Variants in PHTF2 observed in about 807,000 individuals in gnomAD.
The protein encoded by PHTF2 is putative homeodomain transcription factor 2, also known as protein PHTF2.
In PHTF2, 60 loss-of-function variants were observed where a neutral mutation model predicts 101.2. The observed-to-expected ratio is 0.59, with a 90% CI of 0.48 to 0.73. PHTF2 has a LOEUF of 0.73. Ranked by LOEUF, PHTF2 falls within the 30% of genes least tolerant of loss-of-function variation. The pLI is 0.00. For missense variants in PHTF2, 747 were observed against 908.7 expected (o/e 0.82, Z 2.29); for synonymous variants, 311 against 307.3 (o/e 1.01, Z -0.13).
At chr7:77,867,747 G>A (rs75807657) in intron 3 of PHTF2, among the ~76,000 whole-genome samples, 1,564 of 152,304 alleles carry the variant, frequency 0.01, 23 homozygotes, top group African/African-American at 0.036. Flanking sequence ...AAGAGTATGT[G>A]AGAGCTTTCA....
chr7:77,923,945 A>G, intron 11 of PHTF2: 1 of 952,664 alleles, frequency 1.0e-6, no homozygotes, highest in African/African-American at 1.8e-5. Context: ...CTTGATTTCC[A>G]GCTAAGTAAG....
rs1443393815 is a variant in PHTF2 at position 77,900,701 on chromosome 7, T to TA, written c.217-9dup. The TA allele has an allele frequency of 2.9e-6, 4 of 1,380,686 alleles. No individual in the cohort carries two copies. The highest frequency in any genetic ancestry group is 4.1e-6 in the Non-Finnish European group (4 of 967,898). 85.5% of individuals were successfully genotyped at this position (1,380,686 alleles called of 1,614,324 possible). The stretch of plus-strand genomic sequence containing the variant: ...TATACAATTCCAATGCTTCTTTTGA[T>TA]ATATTATAGGGGCTAAGGAATAAAC... On this transcript the variant is annotated splice_polypyrimidine_tract_variant and intron_variant, in intron 5 of 19. Transcript: ENST00000416283.
intron 3 of PHTF2, among the ~76,000 whole-genome samples, chr7:77,879,474 G>T (rs549892555): frequency 6.6e-6 from 1 of 151,966 alleles, no homozygotes; most frequent in Non-Finnish European, 1.5e-5. Context: ...GCTGTTTGCC[G>T]GGCTCCCTTT....
intron 3 of PHTF2, among the ~76,000 whole-genome samples, chr7:77,875,672 C>T (rs915237333): frequency 8.5e-5 from 13 of 152,066 alleles, no homozygotes; most frequent in Non-Finnish European, 1.3e-4. Flanking sequence ...ATTCTCCTGC[C>T]TCAGCCTCCC....
intron 9 of PHTF2, 106 bp from the exon 9 acceptor site, chr7:77,920,173 A>G (rs1803310685): frequency 1.8e-5 from 11 of 611,066 alleles, no homozygotes; most frequent in Middle Eastern, 4.2e-4. Flanking sequence ...ATTAAAATTT[A>G]GAGAAATAGC....
At chr7:77,946,577 A>G (rs1806066885) in intron 16 of PHTF2, among the ~76,000 whole-genome samples, 1 of 152,226 alleles carries the variant, frequency 6.6e-6, no homozygotes, top group Non-Finnish European at 1.5e-5. Flanking sequence ...AGATACAACA[A>G]CATTTTAAAA....
chr7:77,926,878 G>C (rs1333992840), intron 11 of PHTF2, among the ~76,000 whole-genome samples: 1 of 151,758 alleles, frequency 6.6e-6, no homozygotes, highest in Non-Finnish European at 1.5e-5. Flanking sequence ...AAAAAAAGAG[G>C]CCAGGGCCAT....
chr7:77,803,686 G>C (rs1037808873), intron 1 of PHTF2, among the ~76,000 whole-genome samples: 49 of 140,788 alleles, frequency 3.5e-4, no homozygotes, highest in African/African-American at 1.4e-3. Flanking sequence ...GAGTTGAACA[G>C]GCGTGTGTGT....
intron 16 of PHTF2, among the ~76,000 whole-genome samples, chr7:77,946,548 T>C (rs1038477513): frequency 1.3e-5 from 2 of 152,210 alleles, no homozygotes; most frequent in African/African-American, 4.8e-5. Context: ...AGATTTGTTA[T>C]ATGAAGATTA....
At chr7:77,841,148 C>T (rs1013491830) in intron 2 of PHTF2, among the ~76,000 whole-genome samples, 6 of 133,610 alleles carry the variant, frequency 4.5e-5, no homozygotes, top group Non-Finnish European at 7.6e-5. Flanking sequence ...GGCGCGATCT[C>T]GGCTCACTGC....
chr7:77,852,081 A>T (rs1036251548), intron 2 of PHTF2, among the ~76,000 whole-genome samples: 1 of 152,176 alleles, frequency 6.6e-6, no homozygotes, highest in Admixed American at 6.5e-5. Flanking sequence ...GCTGCAGTGC[A>T]GTGGCACAAT....
chr7:77,846,032 G>A (rs1413436655), intron 2 of PHTF2, among the ~76,000 whole-genome samples: 18 of 152,070 alleles, frequency 1.2e-4, no homozygotes, highest in Admixed American at 1.2e-3. Context: ...TCCATGTTGT[G>A]AGAATAAGCC....
At chr7:77,841,280 G>C (rs534776254) in intron 2 of PHTF2, among the ~76,000 whole-genome samples, 1 of 151,416 alleles carries the variant, frequency 6.6e-6, no homozygotes, top group African/African-American at 2.4e-5. Flanking sequence ...GGGTTTCGCC[G>C]TGTTGGTCAG....
chr7:77,842,730 T>C (rs1013205976), intron 2 of PHTF2, among the ~76,000 whole-genome samples: 1 of 152,026 alleles, frequency 6.6e-6, no homozygotes, highest in Non-Finnish European at 1.5e-5. Context: ...TGGGTGGGAG[T>C]CAGAGATACA....
chr7:77,915,501 A>C (rs977077132), intron 9 of PHTF2, among the ~76,000 whole-genome samples: 1 of 152,170 alleles, frequency 6.6e-6, no homozygotes, highest in Non-Finnish European at 1.5e-5. Flanking sequence ...ATGAGCCACC[A>C]TGCCCGGCTT....
chr7:77,942,573 A>G lies in PHTF2; in HGVS notation c.1873-127A>G, dbSNP rs185962370. The G allele has an allele frequency of 5.3e-4, 264 of 493,632 alleles. 1 individual carries two copies. Among genetic ancestry groups the G allele is most frequent in the Admixed American group, 2.6e-3 (69 of 26,092 alleles). The allele number at this position is 493,632 out of a possible 1,614,324, so 30.6% of individuals were successfully genotyped here. ...TTGCCTAACAAATTAGGTATATTCA[A>G]CATTGTGGGCTGTGATCAACTGATG... On this transcript the variant is annotated intron_variant, in intron 15 of 19. Coordinates refer to ENST00000416283, the Ensembl canonical transcript of PHTF2.
At chr7:77,822,601 G>C (rs1474244211) in intron 1 of PHTF2, among the ~76,000 whole-genome samples, 1 of 152,108 alleles carries the variant, frequency 6.6e-6, no homozygotes, top group African/African-American at 2.4e-5. Context: ...TGGCAGTGGG[G>C]GCTGGTAGGG....
At chr7:77,953,892 A>G (rs1319597104) in exon 19 of PHTF2, 1 of 1,612,864 alleles carries the variant, frequency 6.2e-7, no homozygotes, top group Non-Finnish European at 8.5e-7. Flanking sequence ...ATTTAATTTA[A>G]AGGTAAGAGG....
rs548944925 is a variant in PHTF2 at position 77,809,638 on chromosome 7, T to A, written c.-36+10667T>A. On this transcript the variant is annotated intron_variant, in intron 1 of 19. Transcript: ENST00000416283. ...GATTAATGAGAAGTGTTTATTTCCT[T>A]AAGGGTATAATAATTCAGTTTTTAT... Among the ~76,000 whole-genome samples, 15 of 152,328 alleles carry A rather than the reference T, an allele frequency of 9.8e-5. 1 individual carries two copies. The East Asian group carries it at 2.7e-3, about 27-fold the overall frequency.
Sources: gnomAD v4.1 joint callset for allele counts (sites outside exome capture counted in the v4.1 genomes callset) on GRCh38, gnomAD v4.1.1 for gene constraint, MANE v1.5 for transcripts, NCBI Gene and HGNC (gene_info 2026-07-23, HGNC 2026-07-21) for gene names.